The following METAP2 variants were observed in gnomAD, a reference collection of about 807,000 sequenced individuals.
METAP2 encodes methionyl aminopeptidase 2, also known as methionine aminopeptidase 2.
In METAP2, 25 loss-of-function variants were observed where a neutral mutation model predicts 59.4. The ratio of observed to expected loss-of-function variants is 0.42; its 90% confidence interval spans 0.31 to 0.59. METAP2 has a LOEUF of 0.59. Among genes scored for constraint, METAP2 ranks in the 20% least tolerant of loss-of-function variants. The probability of loss-of-function intolerance (pLI) is 0.16; values close to 1 mark genes in which losing one functional copy is unlikely to be tolerated. For missense variants in METAP2, 366 were observed against 581.2 expected (o/e 0.63, Z 3.81); for synonymous variants, 214 against 194.1 (o/e 1.10, Z -0.85).
At chr12:95,506,309 T>C (rs1260724229) in intron 8 of METAP2, among the ~76,000 whole-genome samples, 1 of 146,416 alleles carries the variant, frequency 6.8e-6, no homozygotes, top group African/African-American at 2.5e-5. Flanking sequence ...TTTTTTTTTT[T>C]TTTTTGAGAC....
rs150972625 is a variant in METAP2 at position 95,510,572 on chromosome 12, G to C, written c.965-1323G>C. ...TCCATGGCCCAAACTCCTCCTGTTA[G>C]GTCCCACCTCCCAACACCATCACAC... On this transcript the variant is annotated intron_variant, in intron 8 of 10. Coordinates refer to ENST00000323666, the MANE Select transcript of METAP2 (RefSeq NM_006838.4). Among the ~76,000 whole-genome samples, 833 of 152,206 alleles carry C rather than the reference G, an allele frequency of 5.5e-3. 10 individuals carry two copies. The highest frequency in any genetic ancestry group is 0.019 in the African/African-American group (799 of 41,520).
chr12:95,505,985 T>C (rs144265967), intron 8 of METAP2, among the ~76,000 whole-genome samples: 13,157 of 151,466 alleles, frequency 0.087, 803 homozygotes, highest in African/African-American at 0.17. Flanking sequence ...TAATCTCAGC[T>C]ACTCGGGAGG....
In METAP2 at chr12:95,485,244, C is replaced by G. The variant is rs1173931236; in HGVS notation, c.326-635C>G. 2.6e-5 allele frequency among the ~76,000 whole-genome samples: 4 copies of G among 152,108 alleles called. No individual in the cohort carries two copies. The East Asian group carries it at 7.7e-4, about 29-fold the overall frequency. On this transcript the variant is annotated intron_variant, in intron 3 of 10. Coordinates refer to ENST00000323666, the MANE Select transcript of METAP2 (RefSeq NM_006838.4). ...AGTCATAGCTAATAAGTGGTAAAGG[C>G]TAGACTTCAACTTTGATATTCTGAT...
chr12:95,489,073 G>A (rs2076219007), intron 4 of METAP2, among the ~76,000 whole-genome samples: 1 of 151,746 alleles, frequency 6.6e-6, no homozygotes. Context: ...AATTAAATTT[G>A]TTAGTGTTTT....
chr12:95,490,653 C>T lies in METAP2; in HGVS notation c.429-3403C>T, dbSNP rs1036198536. The stretch of plus-strand genomic sequence containing the variant: ...TTCTGGGCTCAAATTATCCTCCCAT[C>T]TTATCCTCCCAAGTAGCTTTGAAAC... On this transcript the variant is annotated intron_variant, in intron 4 of 10. Coordinates refer to ENST00000323666, the MANE Select transcript of METAP2 (RefSeq NM_006838.4). 1.0e-3 allele frequency among the ~76,000 whole-genome samples: 149 copies of T among 146,432 alleles called. 1 individual carries two copies. Among genetic ancestry groups the T allele is most frequent in the African/African-American group, 3.7e-3 (146 of 39,486 alleles).
At chr12:95,478,601 T>C (rs1451415897) in intron 2 of METAP2, among the ~76,000 whole-genome samples, 1 of 151,650 alleles carries the variant, frequency 6.6e-6, no homozygotes, top group Admixed American at 6.6e-5. Flanking sequence ...CATTGCACTT[T>C]AGCCTGGGCA....
intron 8 of METAP2, among the ~76,000 whole-genome samples, chr12:95,511,389 G>GTTTTTTTTTTTTT (rs11301070): frequency 4.9e-5 from 3 of 61,118 alleles, no homozygotes; most frequent in African/African-American, 6.5e-5. Context: ...TTCTAGCACC[G>GTTTTTTTTTTTTT]TTTTTTTTTT....
intron 4 of METAP2, among the ~76,000 whole-genome samples, chr12:95,490,795 C>G (rs2140147994): frequency 1.3e-5 from 2 of 152,242 alleles, no homozygotes; most frequent in South Asian, 4.2e-4. Flanking sequence ...AGTGCCCCAT[C>G]TCTTTGAAGA....
intron 8 of METAP2, among the ~76,000 whole-genome samples, chr12:95,506,795 C>T (rs60068963): frequency 0.049 from 7,190 of 147,314 alleles, 571 homozygotes; most frequent in African/African-American, 0.17. Context: ...AAGCAGAATA[C>T]TTATTTATTT....
In METAP2 at chr12:95,486,831, C is replaced by T. The variant is rs139194299; in HGVS notation, c.428+850C>T. Among the ~76,000 whole-genome samples the T allele has an allele frequency of 5.9e-3, 901 of 152,264 alleles. 10 individuals carry two copies. The highest frequency in any genetic ancestry group is 0.02 in the African/African-American group (850 of 41,556). ...TTATTAAATCACATAATTACCATAACAAGTACAGATGACTTAAATAGTCTT... is the reference window on the plus strand; with the variant it reads ...TTATTAAATCACATAATTACCATAATAAGTACAGATGACTTAAATAGTCTT... On this transcript the variant is annotated intron_variant, in intron 4 of 10. Transcript: ENST00000323666.
chr12:95,478,352 C>T (rs1384184109), intron 2 of METAP2, among the ~76,000 whole-genome samples: 1 of 152,076 alleles, frequency 6.6e-6, no homozygotes, highest in Non-Finnish European at 1.5e-5. Context: ...AAAACTAGAC[C>T]AGGTGTGTTA....
At chr12:95,477,964 G>T (rs959730110) in intron 2 of METAP2, among the ~76,000 whole-genome samples, 1 of 152,142 alleles carries the variant, frequency 6.6e-6, no homozygotes, top group African/African-American at 2.4e-5. Flanking sequence ...CAATATAATA[G>T]ATTGCTATAG....
chr12:95,485,904 A>G lies in METAP2; in HGVS notation c.351A>G (p.Ser117=), dbSNP rs201895862. ...RGPKVQTDPP[S]VPICDLYPNG... is the part of the protein sequence containing the mutation. ...CAAAAGTTCAAACAGACCCTCCCTCAGTTCCAATATGTGACCTGTATCCTA... is the reference window on the plus strand; with the variant it reads ...CAAAAGTTCAAACAGACCCTCCCTCGGTTCCAATATGTGACCTGTATCCTA... The change falls in exon 4 of 11, where the codon TCA becomes TCG. Residue 117 remains serine, a synonymous_variant. Coordinates refer to ENST00000323666, the MANE Select transcript of METAP2 (RefSeq NM_006838.4). The G allele has an allele frequency of 8.8e-5, 138 of 1,577,058 alleles. No individual in the cohort carries two copies. The Middle Eastern group carries it at 1.2e-3, about 13-fold the overall frequency.
At position 95,513,832 on chromosome 12, in the gene METAP2, A is replaced by G. The variant is rs1004406957; in HGVS notation, c.1365A>G (p.Thr455=). The G allele has an allele frequency of 3.7e-6, 6 of 1,614,098 alleles. No homozygotes were observed. In the Admixed American group the frequency reaches 5.0e-5, roughly 13 times the overall value. ...PPLCDIKGSY[T]AQFEHTILLR... ...TATGTGACATTAAAGGATCATATAC[A>G]GCGCAATTTGAACATACCATCCTGT... The change falls in exon 11 of 11, where the codon ACA becomes ACG. Residue 455 remains threonine (T), a synonymous_variant. Transcript: ENST00000323666.
In METAP2 at chr12:95,513,802, A is replaced by T; in HGVS notation, c.1335A>T (p.Pro445=). The change falls in exon 11 of 11, where the codon CCA becomes CCT. Residue 445 remains proline, a synonymous_variant. Transcript: ENST00000323666. ...ACTTGGGCATTGTAGATCCATATCC[A>T]CCATTATGTGACATTAAAGGATCAT... The part of the protein sequence containing the change: ...LCDLGIVDPY[P]PLCDIKGSYT... 1.2e-6 allele frequency: 2 copies of T among 1,614,208 alleles called. No homozygotes were observed. The highest frequency in any genetic ancestry group is 1.7e-6 in the Non-Finnish European group (2 of 1,180,034).
intron 2 of METAP2, chr12:95,482,211 G>A (rs1168007155): frequency 2.2e-6 from 1 of 450,568 alleles, no homozygotes; most frequent in South Asian, 1.6e-5. Flanking sequence ...CCTGGCTCAG[G>A]TGATCCTCCC....
chr12:95,501,398 TTAA>T (rs1478578884), intron 7 of METAP2, among the ~76,000 whole-genome samples: 5 of 152,138 alleles, frequency 3.3e-5, no homozygotes, highest in African/African-American at 9.7e-5. Context: ...TAAACCAAAG[TTAA>T]TAATAATACT....
At chr12:95,498,656 A>T (rs1421753075) in intron 7 of METAP2, among the ~76,000 whole-genome samples, 3 of 152,192 alleles carry the variant, frequency 2.0e-5, no homozygotes, top group Admixed American at 2.0e-4. Context: ...GTGAATGTCC[A>T]GTTTTCCCAG....
chr12:95,501,026 T>TC (rs1334390645), intron 7 of METAP2, among the ~76,000 whole-genome samples: 3 of 148,978 alleles, frequency 2.0e-5, no homozygotes, highest in Non-Finnish European at 4.5e-5. Flanking sequence ...TTTTTTTTTT[T>TC]TTTTTGAGAC....
Sources: gnomAD v4.1 joint callset for allele counts (sites outside exome capture counted in the v4.1 genomes callset) on GRCh38, gnomAD v4.1.1 for gene constraint, MANE v1.5 for transcripts, NCBI Gene and HGNC (gene_info 2026-07-23, HGNC 2026-07-21) for gene names.